Variants in CDH23 observed in about 807,000 individuals in gnomAD.
CDH23 encodes the protein cadherin related 23, also known as cadherin-23.
Under a neutral mutation model 317.1 loss-of-function variants are expected in CDH23, and 189 were observed. The observed-to-expected ratio is 0.60, with a 90% confidence interval of 0.53 to 0.67. The LOEUF (loss-of-function observed/expected upper bound fraction) is 0.67, where lower values mean the gene tolerates loss of function less well. Among genes scored for constraint, CDH23 ranks in the 30% least tolerant of loss-of-function variants. The probability of loss-of-function intolerance (pLI) is 0.00; values close to 1 mark genes in which losing one functional copy is unlikely to be tolerated. For missense variants in CDH23, 4,401 were observed against 4,592.4 expected, an observed-to-expected ratio of 0.96 and a Z score of 1.20; for synonymous variants, 1,839 against 1,876.8, an observed-to-expected ratio of 0.98 and a Z score of 0.52.
intron 11 of CDH23, among the ~76,000 whole-genome samples, chr10:71,637,874 C>G (rs998721635): frequency 1.3e-5 from 2 of 151,056 alleles, no homozygotes; most frequent in Non-Finnish European, 3.0e-5. Flanking sequence ...GGCCTTGGTC[C>G]TTGCTGTGGC....
intron 13 of CDH23, 125 bp downstream of exon 13, chr10:71,646,105 G>A (rs1862841813): frequency 1.5e-6 from 2 of 1,296,496 alleles, no homozygotes; most frequent in South Asian, 2.9e-5. Context: ...TTGTGGATCT[G>A]ACTCAGATAA....
chr10:71,602,422 T>C lies in CDH23; in HGVS notation c.833-13082T>C, dbSNP rs146748148. ...ACTGAGGCTCAAAGGCAAAGTCACTTGCCCAAAGCCACATAGCTAGAAGTA... is the reference window on the plus strand; with the variant it reads ...ACTGAGGCTCAAAGGCAAAGTCACTCGCCCAAAGCCACATAGCTAGAAGTA... On this transcript the variant is annotated intron_variant, in intron 9 of 69. Transcript: ENST00000224721. Among the ~76,000 whole-genome samples, 7 of 152,284 alleles carry C rather than the reference T, an allele frequency of 4.6e-5. No individual in the cohort carries two copies. In the East Asian group the frequency reaches 1.3e-3, roughly 29 times the overall value.
intron 11 of CDH23, among the ~76,000 whole-genome samples, chr10:71,630,118 C>T (rs1861931774): frequency 6.6e-6 from 1 of 152,108 alleles, no homozygotes; most frequent in African/African-American, 2.4e-5. Flanking sequence ...AACTCCTGGG[C>T]TCAAGTGATC....
chr10:71,646,108 T>C, intron 13 of CDH23, 128 bp downstream of exon 13: 1 of 1,261,184 alleles, frequency 7.9e-7, no homozygotes, highest in Non-Finnish European at 1.1e-6. Context: ...TGGATCTGAC[T>C]CAGATAAGCC....
rs755926639 is a variant in CDH23 at position 71,777,713 on chromosome 10, G to A, written c.4879G>A (p.Glu1627Lys). ...GCACGTGTACGTGACCATTGTGGAT[G>A]AGAATGATAACGCGCCCATGTTCCA... ...TTHVYVTIVD[E>K]NDNAPMFQQP... The change falls in exon 39 of 70, where the codon GAG becomes AAG. Residue 1627 changes from glutamate to lysine, a missense_variant. Around this residue, in one of 3 missense-constraint regions of CDH23, gnomAD observed 3,068 missense variants for 3,203.3 expected, o/e 0.96. Coordinates refer to ENST00000224721, the MANE Select transcript of CDH23 (RefSeq NM_022124.6). 6.2e-7 allele frequency: 1 copy of A among 1,613,322 alleles called. No homozygotes were observed. Among genetic ancestry groups the A allele is most frequent in the South Asian group, 1.1e-5 (1 of 90,926 alleles).
In CDH23 at chr10:71,510,300, A is replaced by C. The variant is rs1762299141; in HGVS notation, c.288+76A>C. The C allele has an allele frequency of 2.6e-6, 4 of 1,536,678 alleles. No individual in the cohort carries two copies. The African/African-American group carries it at 5.5e-5, about 21-fold the overall frequency. The stretch of plus-strand genomic sequence containing the variant: ...GACACTGGGGGAAGGACGGCCCGCC[A>C]TCTTTTGGCGTCTTCCTCTAAGACC... On this transcript the variant is annotated intron_variant, in intron 4 of 69. Transcript: ENST00000224721.
chr10:71,757,937 G>C (rs116520091), intron 38 of CDH23, among the ~76,000 whole-genome samples: 3,135 of 152,238 alleles, frequency 0.021, 122 homozygotes, highest in African/African-American at 0.071. Context: ...AGCTCCTTGG[G>C]CACCAACTTC....
In CDH23 at chr10:71,810,467, T is replaced by C. The variant is rs770326245; in HGVS notation, c.8980-5T>C. 1.2e-6 allele frequency: 2 copies of C among 1,613,868 alleles called. No homozygotes were observed. The highest frequency in any genetic ancestry group is 1.7e-6 in the Non-Finnish European group (2 of 1,179,760). ...CCACACCCTACAATACCCCTTCTCA[T>C]CTAGTTCCATGTGGACAAGAAGGGC... is the stretch of plus-strand genomic sequence containing the variant. On this transcript the variant is annotated splice_polypyrimidine_tract_variant and splice_region_variant and intron_variant, in intron 61 of 69. Coordinates refer to ENST00000224721, the MANE Select transcript of CDH23 (RefSeq NM_022124.6).
At chr10:71,760,038 C>T (rs201090755) in intron 38 of CDH23, among the ~76,000 whole-genome samples, 1,256 of 22,988 alleles carry the variant, frequency 0.055, 240 homozygotes, top group Middle Eastern at 0.079. Context: ...CACACACACA[C>T]ATATATACAC....
In CDH23 at chr10:71,453,831, G is replaced by T. The variant is rs550829487; in HGVS notation, c.145+7436G>T. 9.8e-5 allele frequency among the ~76,000 whole-genome samples: 15 copies of T among 152,368 alleles called. No individual in the cohort carries two copies. The South Asian group carries it at 3.1e-3, about 32-fold the overall frequency. The stretch of plus-strand genomic sequence containing the variant: ...AAGGGACGGGGATGGGAGGAGTCCA[G>T]TGGCTCCCGGACATCAGCTGGGTGT... On this transcript the variant is annotated intron_variant, in intron 3 of 69. Coordinates refer to ENST00000224721, the MANE Select transcript of CDH23 (RefSeq NM_022124.6).
intron 11 of CDH23, among the ~76,000 whole-genome samples, chr10:71,620,831 C>T (rs1240156786): frequency 1.3e-5 from 2 of 152,250 alleles, no homozygotes; most frequent in Non-Finnish European, 2.9e-5. Flanking sequence ...GCCCCCAAAC[C>T]ATCCCTCATG....
chr10:71,766,181 T>G lies in CDH23; in HGVS notation c.4846-11499T>G, dbSNP rs539112172. Among the ~76,000 whole-genome samples, 176 of 152,330 alleles carry G rather than the reference T, an allele frequency of 1.2e-3. 1 individual carries two copies. The highest frequency in any genetic ancestry group is 3.7e-3 in the African/African-American group (155 of 41,572). On this transcript the variant is annotated intron_variant, in intron 38 of 69. Coordinates refer to ENST00000224721, the MANE Select transcript of CDH23 (RefSeq NM_022124.6). ...GATGTTGCTTATTGTCAGGAGCAGA[T>G]CCTTTTGGACACCTGGGTCATTGTC...
intron 14 of CDH23, among the ~76,000 whole-genome samples, chr10:71,652,475 G>A (rs1863222444): frequency 6.6e-6 from 1 of 152,260 alleles, no homozygotes; most frequent in Non-Finnish European, 1.5e-5. Context: ...GATGGCAGGA[G>A]TGGGTATTTT....
intron 6 of CDH23, among the ~76,000 whole-genome samples, chr10:71,538,942 C>T (rs573250278): frequency 5.7e-4 from 86 of 152,012 alleles, no homozygotes; most frequent in Non-Finnish European, 8.8e-4. Flanking sequence ...TGTGTAGGGA[C>T]GAGAGAACAA....
intron 38 of CDH23, chr10:71,748,212 AC>A (rs1839902821): frequency 6.6e-6 from 1 of 151,498 alleles, no homozygotes; most frequent in Non-Finnish European, 1.5e-5. Context: ...TCCCAAGTCC[AC>A]CCCGCGAGGA....
intron 11 of CDH23, among the ~76,000 whole-genome samples, chr10:71,633,419 C>T (rs980951429): frequency 2.0e-5 from 3 of 152,170 alleles, no homozygotes; most frequent in African/African-American, 7.2e-5. Flanking sequence ...CACATACACG[C>T]CCCACGCCCC....
At position 71,807,651 on chromosome 10, in the gene CDH23, G is replaced by A. The variant is rs376835293; in HGVS notation, c.8444G>A (p.Arg2815His). 8.3e-5 allele frequency: 134 copies of A among 1,613,916 alleles called. 2 individuals are homozygous for A. Among genetic ancestry groups the A allele is most frequent in the Middle Eastern group, 6.6e-4 (4 of 6,062 alleles). Residue 2815 changes from arginine to histidine, a missense_variant, in exon 59 of 70, where the codon CGT (arginine) becomes CAT (histidine). Transcript: ENST00000224721. ...AGCAATCGCAGCTGGACACCTCCCC[G>A]TGGACCCTCCCCAACCCTCGACCTG... ...ASSNRSWTPP[R>H]GPSPTLDLVA... is the part of the protein sequence containing the mutation.
At chr10:71,559,090 C>G (rs1486359461) in intron 6 of CDH23, among the ~76,000 whole-genome samples, 1 of 152,192 alleles carries the variant, frequency 6.6e-6, no homozygotes, top group Non-Finnish European at 1.5e-5. Context: ...TCAGCATCAC[C>G]TGGTGTCTCC....
chr10:71,407,804 G>A (rs1487779783), intron 1 of CDH23, among the ~76,000 whole-genome samples: 1 of 152,154 alleles, frequency 6.6e-6, no homozygotes, highest in Admixed American at 6.5e-5. Flanking sequence ...AAATGCCCCT[G>A]GCAAGTGTGT....
Sources: gnomAD v4.1 joint callset for allele counts (sites outside exome capture counted in the v4.1 genomes callset) on GRCh38, gnomAD v4.1.1 for gene constraint, gnomAD v4.1.1 regional missense constraint, MANE v1.5 for transcripts, NCBI Gene and HGNC (gene_info 2026-07-23, HGNC 2026-07-21) for gene names.